Variants in CHSY3 observed in about 807,000 individuals in gnomAD.
CHSY3 encodes the protein N-acetylgalactosaminyl-proteoglycan 3-beta-glucuronosyltransferase 3.
A neutral mutation model predicts 67.2 loss-of-function variants in CHSY3; 35 were observed. The ratio of observed to expected loss-of-function variants is 0.52; its 90% CI spans 0.40 to 0.69. The LOEUF is 0.69. CHSY3 is among the 30% of genes least tolerant of loss of function. CHSY3 has a pLI of 0.00. For missense variants in CHSY3, 1,069 were observed against 1,138.5 expected (o/e 0.94, Z 0.88); for synonymous variants, 474 against 434.7 (o/e 1.09, Z -1.12).
At chr5:130,103,924 T>C (rs547460570) in intron 2 of CHSY3, among the ~76,000 whole-genome samples, 21 of 152,068 alleles carry the variant, frequency 1.4e-4, no homozygotes, top group South Asian at 8.3e-4. Context: ...ATTCTCCTAG[T>C]ATCTTATATC....
At chr5:130,047,601 C>T (rs1003729448) in intron 2 of CHSY3, among the ~76,000 whole-genome samples, 3 of 152,008 alleles carry the variant, frequency 2.0e-5, no homozygotes, top group African/African-American at 7.2e-5. Context: ...ATGCAGTTCA[C>T]TAGCTGAAGT....
chr5:129,978,267 G>A (rs1268631710), intron 2 of CHSY3, among the ~76,000 whole-genome samples: 2 of 152,038 alleles, frequency 1.3e-5, no homozygotes, highest in Admixed American at 6.6e-5. Flanking sequence ...TTTATGGTAT[G>A]TCTTTGATTT....
At chr5:129,953,195 G>A (rs562527299) in intron 2 of CHSY3, among the ~76,000 whole-genome samples, 104 of 151,848 alleles carry the variant, frequency 6.8e-4, no homozygotes, top group African/African-American at 2.3e-3. Context: ...TGTTCTTATT[G>A]TTCAACTCCC....
chr5:130,085,567 G>T (rs1283197529), intron 2 of CHSY3, among the ~76,000 whole-genome samples: 2 of 151,992 alleles, frequency 1.3e-5, no homozygotes, highest in East Asian at 1.9e-4. Flanking sequence ...CCAGCTCCTG[G>T]ATTCATTAAT....
At chr5:130,021,712 T>C (rs1764395898) in intron 2 of CHSY3, among the ~76,000 whole-genome samples, 2 of 152,168 alleles carry the variant, frequency 1.3e-5, no homozygotes, top group Non-Finnish European at 2.9e-5. Flanking sequence ...GCTATTTTAC[T>C]TATAATAAAA....
chr5:130,025,925 A>C (rs566670415), intron 2 of CHSY3, among the ~76,000 whole-genome samples: 132 of 152,252 alleles, frequency 8.7e-4, no homozygotes, highest in African/African-American at 3.0e-3. Flanking sequence ...TTTGACCACC[A>C]TTGAGAATGG....
intron 2 of CHSY3, among the ~76,000 whole-genome samples, chr5:130,047,137 T>C (rs1415091346): frequency 6.6e-6 from 1 of 151,852 alleles, no homozygotes; most frequent in Non-Finnish European, 1.5e-5. Flanking sequence ...AATTTAAAAG[T>C]ATATTTGATA....
At chr5:130,087,578 C>G (rs1766695919) in intron 2 of CHSY3, among the ~76,000 whole-genome samples, 1 of 151,470 alleles carries the variant, frequency 6.6e-6, no homozygotes, top group Non-Finnish European at 1.5e-5. Context: ...CAATAACAGA[C>G]AAACAGAGAG....
At position 130,137,205 on chromosome 5, in the gene CHSY3, C is replaced by A. The variant is rs147004593; in HGVS notation, c.1087-47024C>A. ...TTTGTAGGTTCTGTTTGCACATCTC[C>A]GGGAATGAAGATCTTGTATCCTGTC... On this transcript the variant is annotated intron_variant, in intron 2 of 2. Transcript: ENST00000305031. Among the ~76,000 whole-genome samples the A allele has an allele frequency of 9.8e-3, 1,493 of 152,212 alleles. 30 individuals carry two copies. The highest frequency in any genetic ancestry group is 0.034 in the African/African-American group (1,420 of 41,540).
At chr5:129,974,397 A>G (rs1762733955) in intron 2 of CHSY3, among the ~76,000 whole-genome samples, 1 of 152,098 alleles carries the variant, frequency 6.6e-6, no homozygotes, top group Non-Finnish European at 1.5e-5. Flanking sequence ...AGTAATTCCA[A>G]CTGTAATATA....
intron 2 of CHSY3, among the ~76,000 whole-genome samples, chr5:130,060,989 C>A (rs1765693743): frequency 6.6e-6 from 1 of 152,074 alleles, no homozygotes; most frequent in Non-Finnish European, 1.5e-5. Context: ...ACCGTACTGC[C>A]TAAAGCAATC....
chr5:130,003,636 C>A (rs1763795568), intron 2 of CHSY3, among the ~76,000 whole-genome samples: 1 of 151,974 alleles, frequency 6.6e-6, no homozygotes, highest in African/African-American at 2.4e-5. Context: ...GCAACATTTA[C>A]TTAATTAAAA....
chr5:130,026,959 G>T (rs1428122700), intron 2 of CHSY3, among the ~76,000 whole-genome samples: 1 of 152,130 alleles, frequency 6.6e-6, no homozygotes, highest in African/African-American at 2.4e-5. Context: ...AAATAGTGGG[G>T]AGTGGGATGC....
intron 2 of CHSY3, among the ~76,000 whole-genome samples, chr5:130,130,665 G>T (rs968160578): frequency 6.6e-6 from 1 of 152,140 alleles, no homozygotes; most frequent in African/African-American, 2.4e-5. Flanking sequence ...TCTCCAGATA[G>T]CCTGAGCTGT....
rs145674300 is a variant in CHSY3, at chr5:129,962,379, C to T, written c.1086+54019C>T. Among the ~76,000 whole-genome samples, 5 of 152,084 alleles carry T rather than the reference C, an allele frequency of 3.3e-5. No homozygotes were observed. The East Asian group carries it at 7.8e-4, about 24-fold the overall frequency. ...CTCCTAAATATCTCCTTTAAATCCA[C>T]TTGTTTTCCTCTCTCCTCTTAACAC... is the stretch of plus-strand genomic sequence containing the variant. On this transcript the variant is annotated intron_variant, in intron 2 of 2. Transcript: ENST00000305031.
intron 2 of CHSY3, among the ~76,000 whole-genome samples, chr5:130,012,012 A>G (rs1764076860): frequency 6.6e-6 from 1 of 152,262 alleles, no homozygotes; most frequent in Admixed American, 6.5e-5. Flanking sequence ...GGAAGAATCA[A>G]TGGCCGTACT....
intron 2 of CHSY3, among the ~76,000 whole-genome samples, chr5:129,973,000 AGT>A: frequency 6.6e-6 from 1 of 152,048 alleles, no homozygotes; most frequent in African/African-American, 2.4e-5. Context: ...TTTCATGGTG[AGT>A]TTTATGCCTT....
chr5:130,091,166 C>T (rs1346963288), intron 2 of CHSY3, among the ~76,000 whole-genome samples: 2 of 140,446 alleles, frequency 1.4e-5, no homozygotes, highest in Non-Finnish European at 3.1e-5. Context: ...ACACACACTA[C>T]TTTTGTTCTG....
chr5:130,101,060 A>G (rs1394892004), intron 2 of CHSY3, among the ~76,000 whole-genome samples: 1 of 152,228 alleles, frequency 6.6e-6, no homozygotes, highest in African/African-American at 2.4e-5. Context: ...TTTTAATTGA[A>G]AGTGAAAACT....
Sources: gnomAD v4.1 joint callset for allele counts (sites outside exome capture counted in the v4.1 genomes callset) on GRCh38, gnomAD v4.1.1 for gene constraint, MANE v1.5 for transcripts, NCBI Gene and HGNC (gene_info 2026-07-23, HGNC 2026-07-21) for gene names.